CLEC2B: variants seen among roughly 807,000 people sequenced by gnomAD.
CLEC2B encodes the protein C-type (calcium dependent, carbohydrate-recognition domain) lectin, superfamily member 2 (activation-induced).
In CLEC2B, 14 loss-of-function variants were observed where a neutral mutation model predicts 16.2. The observed-to-expected ratio is 0.86, with a 90% CI of 0.57 to 1.35. The LOEUF is 1.35. Ranked by LOEUF, CLEC2B falls within the 40% of genes most tolerant of loss-of-function variation. The probability of loss-of-function intolerance (pLI) is 0.00; values close to 1 mark genes in which losing one functional copy is unlikely to be tolerated. For synonymous variants in CLEC2B, 42 were observed against 55.8 expected (o/e 0.75, Z 1.10); for missense variants, 166 against 182.3 (o/e 0.91, Z 0.52).
chr12:9,862,961 C>T (rs1207105447), intron 1 of CLEC2B, among the ~76,000 whole-genome samples: 1 of 152,118 alleles, frequency 6.6e-6, no homozygotes, highest in Non-Finnish European at 1.5e-5. Flanking sequence ...ACTTGGGAAG[C>T]ATCGGGGTGC....
chr12:9,857,311 C>G lies in CLEC2B; in HGVS notation c.237+163G>C, dbSNP rs2136977822. On this transcript the variant is annotated intron_variant, in intron 3 of 4. Transcript: ENST00000228438. ...GTCTTACATTCTTCAAACAAAGCATCACTAGGTGTTTCACCTTTATGTCAC... is the reference window on the plus strand; with the variant it reads ...GTCTTACATTCTTCAAACAAAGCATGACTAGGTGTTTCACCTTTATGTCAC... 8 of 599,414 alleles carry G rather than the reference C, an allele frequency of 1.3e-5. 1 individual carries two copies. The South Asian group carries it at 1.7e-4, about 12-fold the overall frequency. The allele number at this position is 599,414 out of a possible 1,614,324, so 37.1% of individuals were successfully genotyped here. A position where few individuals can be genotyped will look rare whatever the true frequency, so the allele number is the denominator to read the frequency against.
chr12:9,854,726 C>A (rs1395276835), intron 3 of CLEC2B: 1 of 496,828 alleles, frequency 2.0e-6, no homozygotes, highest in Non-Finnish European at 3.5e-6. Context: ...GATAAATGTT[C>A]AATTTGAATA....
chr12:9,868,427 C>T (rs1384918185), intron 1 of CLEC2B, among the ~76,000 whole-genome samples: 3 of 151,968 alleles, frequency 2.0e-5, no homozygotes, highest in Admixed American at 6.6e-5. Flanking sequence ...ATTTTTTTGA[C>T]CGTAGCATAC....
At chr12:9,862,599 A>T in intron 1 of CLEC2B, 26 bp from the exon 2 acceptor site, 1 of 1,411,874 alleles carries the variant, frequency 7.1e-7, no homozygotes, top group South Asian at 1.4e-5. Context: ...AAAGACATTT[A>T]GGAGACTTCT....
intron 1 of CLEC2B, among the ~76,000 whole-genome samples, chr12:9,865,603 A>G (rs1867965152): frequency 1.3e-5 from 2 of 152,212 alleles, no homozygotes; most frequent in Non-Finnish European, 2.9e-5. Flanking sequence ...TAATGGACAG[A>G]TAATCTAAAC....
At chr12:9,857,446 C>T (rs372535763) in intron 3 of CLEC2B, 28 bp downstream of exon 3, 30 of 1,545,910 alleles carry the variant, frequency 1.9e-5, no homozygotes, top group South Asian at 2.3e-5. Flanking sequence ...CAAGAAAATT[C>T]ACAAAGAATG....
chr12:9,862,790 A>G (rs1000265699), intron 1 of CLEC2B, among the ~76,000 whole-genome samples: 1 of 151,996 alleles, frequency 6.6e-6, no homozygotes, highest in South Asian at 2.1e-4. Context: ...AGATAATAAG[A>G]GAATTAGACT....
intron 1 of CLEC2B, among the ~76,000 whole-genome samples, chr12:9,862,909 C>T (rs1170895357): frequency 6.6e-6 from 1 of 152,140 alleles, no homozygotes; most frequent in Non-Finnish European, 1.5e-5. Context: ...AGCTTCCCCA[C>T]CAGCTTGAGT....
chr12:9,860,897 T>G (rs554994942), intron 2 of CLEC2B, among the ~76,000 whole-genome samples: 1 of 151,888 alleles, frequency 6.6e-6, no homozygotes, highest in African/African-American at 2.4e-5. Flanking sequence ...GGTTGAAAGA[T>G]TAACTAAATG....
chr12:9,856,319 CAG>C (rs1186685035), intron 3 of CLEC2B, among the ~76,000 whole-genome samples: 1 of 152,016 alleles, frequency 6.6e-6, no homozygotes, highest in Admixed American at 6.6e-5. Context: ...AAGGAACAGT[CAG>C]AGTGTTTCTC....
At chr12:9,854,551 T>C (rs748955024) in intron 3 of CLEC2B, 67 bp from the exon 4 acceptor site, 7 of 1,037,886 alleles carry the variant, frequency 6.7e-6, no homozygotes, top group Non-Finnish European at 9.1e-6. Context: ...TGTGTACCTC[T>C]TGTTTCGTAG....
intron 1 of CLEC2B, among the ~76,000 whole-genome samples, chr12:9,868,194 T>C (rs943931376): frequency 6.6e-6 from 1 of 150,938 alleles, no homozygotes; most frequent in African/African-American, 2.4e-5. Context: ...TATATACAAA[T>C]GTATAAATTT....
intron 1 of CLEC2B, among the ~76,000 whole-genome samples, chr12:9,868,870 T>G (rs1480856437): frequency 6.6e-6 from 1 of 152,108 alleles, no homozygotes; most frequent in East Asian, 1.9e-4. Flanking sequence ...TTTATCATAT[T>G]ATGTATGCAT....
At chr12:9,858,760 A>C (rs998361544) in intron 2 of CLEC2B, among the ~76,000 whole-genome samples, 5 of 151,640 alleles carry the variant, frequency 3.3e-5, no homozygotes, top group Non-Finnish European at 7.4e-5. Context: ...ATGTGTATAT[A>C]TCTCTCTCAT....
At chr12:9,857,772 G>A (rs769681232) in intron 2 of CLEC2B, 135 bp from the exon 3 acceptor site, 46 of 695,652 alleles carry the variant, frequency 6.6e-5, no homozygotes, top group Non-Finnish European at 8.8e-5. Flanking sequence ...TATATGATAA[G>A]TTGAAAAAAT....
At chr12:9,862,150 T>C (rs1249581258) in intron 2 of CLEC2B, among the ~76,000 whole-genome samples, 1 of 152,082 alleles carries the variant, frequency 6.6e-6, no homozygotes, top group African/African-American at 2.4e-5. Flanking sequence ...ACATGCAAAT[T>C]GTATATTGTA....
chr12:9,861,405 A>G (rs933319789), intron 2 of CLEC2B, among the ~76,000 whole-genome samples: 9 of 152,136 alleles, frequency 5.9e-5, no homozygotes, highest in African/African-American at 1.9e-4. Context: ...AATGGCAAAA[A>G]TTGATAAAAC....
intron 1 of CLEC2B, among the ~76,000 whole-genome samples, chr12:9,863,711 A>C (rs937365381): frequency 1.3e-5 from 2 of 152,190 alleles, no homozygotes; most frequent in African/African-American, 4.8e-5. Context: ...AAGAAGAAAT[A>C]ATCGGTGAGC....
chr12:9,853,120 C>A lies in CLEC2B; in HGVS notation c.*180G>T. 5 of 405,450 alleles carry A rather than the reference C, an allele frequency of 1.2e-5. No homozygotes were observed. The highest frequency in any genetic ancestry group is 3.5e-5 in the South Asian group (1 of 28,304). 25.1% of individuals were successfully genotyped at this position (405,450 alleles called of 1,614,324 possible). ...GAAAGAAAGAAAGAAAAAAACTCAG[C>A]AGAATACCTGTAACCATTTTTTGCC... On this transcript the variant is annotated 3_prime_UTR_variant, in exon 5 of 5. Coordinates refer to ENST00000228438, the MANE Select transcript of CLEC2B (RefSeq NM_005127.3).
Sources: allele counts gnomAD v4.1 joint callset (sites outside exome capture counted in the v4.1 genomes callset), GRCh38; gene constraint gnomAD v4.1.1; transcripts MANE v1.5; gene names NCBI Gene and HGNC (gene_info 2026-07-23, HGNC 2026-07-21).